Variants in RELN observed in about 807,000 individuals in gnomAD.
The protein encoded by RELN is reelin.
Under a neutral mutation model 427.6 loss-of-function variants are expected in RELN, and 108 were observed. The ratio of observed to expected loss-of-function variants is 0.25; its 90% confidence interval spans 0.22 to 0.30. The LOEUF (loss-of-function observed/expected upper bound fraction) is 0.30, where lower values mean the gene tolerates loss of function less well. RELN is among the 10% of genes least tolerant of loss of function. RELN has a pLI of 1.00. For missense variants in RELN, 3,715 were observed against 4,302.8 expected (o/e 0.86, Z 3.82); for synonymous variants, 1,524 against 1,513.4 (o/e 1.01, Z -0.16).
chr7:103,487,822 C>T (rs1243387815), intron 60 of RELN, among the ~76,000 whole-genome samples: 1 of 152,124 alleles, frequency 6.6e-6, no homozygotes, highest in East Asian at 1.9e-4. Context: ...GATTCCAGCA[C>T]CTAAAACAAT....
At chr7:103,561,506 G>A (rs774934772) in intron 36 of RELN, 26 bp downstream of exon 36, 2 of 1,559,716 alleles carry the variant, frequency 1.3e-6, no homozygotes, top group Non-Finnish European at 1.8e-6. Flanking sequence ...GTAATGTTGG[G>A]AAGGAGAATC....
chr7:103,945,197 A>G (rs1355388287), intron 1 of RELN, among the ~76,000 whole-genome samples: 1 of 152,312 alleles, frequency 6.6e-6, no homozygotes, highest in Non-Finnish European at 1.5e-5. Flanking sequence ...ACAAGGGGAA[A>G]GAACAGCAGA....
Position 103,557,180 on chromosome 7 carries a change from G to A in RELN, c.5615-21C>T, listed in dbSNP as rs376365542. The A allele has an allele frequency of 4.4e-6, 7 of 1,575,668 alleles. No homozygotes were observed. The African/African-American group carries it at 9.4e-5, about 21-fold the overall frequency. ...GGTACCTAGGAAGAAGATAACACAGGTATAAAACATACTGTGATAAAAATG... is the reference window on the plus strand; with the variant it reads ...GGTACCTAGGAAGAAGATAACACAGATATAAAACATACTGTGATAAAAATG... On this transcript the variant is annotated intron_variant, in intron 37 of 64. Coordinates refer to ENST00000428762, the MANE Select transcript of RELN (RefSeq NM_005045.4).
intron 29 of RELN, 141 bp from the exon 30 acceptor site, chr7:103,574,440 C>T: frequency 1.3e-6 from 1 of 741,096 alleles, no homozygotes; most frequent in Non-Finnish European, 2.4e-6. Context: ...TATCTCACAA[C>T]TGTCGGTCTG....
chr7:103,895,871 CAACTT>C (rs1794948433), intron 2 of RELN, among the ~76,000 whole-genome samples: 2 of 151,980 alleles, frequency 1.3e-5, no homozygotes, highest in South Asian at 2.1e-4. Flanking sequence ...ATAAACTACT[CAACTT>C]AAGGCAACAT....
intron 63 of RELN, among the ~76,000 whole-genome samples, chr7:103,479,612 G>A (rs1218940487): frequency 6.6e-6 from 1 of 152,108 alleles, no homozygotes; most frequent in Non-Finnish European, 1.5e-5. Context: ...AAATGCTAAA[G>A]GGTGGTTTTC....
intron 7 of RELN, among the ~76,000 whole-genome samples, chr7:103,724,605 C>T (rs750992087): frequency 3.3e-5 from 5 of 152,106 alleles, no homozygotes; most frequent in South Asian, 2.1e-4. Context: ...CCTCTGCTAG[C>T]GAACAGCAAG....
chr7:103,789,678 A>C (rs945912407), intron 3 of RELN, among the ~76,000 whole-genome samples: 1 of 152,214 alleles, frequency 6.6e-6, no homozygotes, highest in African/African-American at 2.4e-5. Flanking sequence ...AAAAGTCAGG[A>C]AACAACAGAT....
At chr7:103,832,859 C>G (rs1793307677) in intron 3 of RELN, among the ~76,000 whole-genome samples, 4 of 152,134 alleles carry the variant, frequency 2.6e-5, no homozygotes, top group Admixed American at 2.6e-4. Context: ...AAGCTCAAAG[C>G]TAAATCTGTG....
intron 24 of RELN, among the ~76,000 whole-genome samples, chr7:103,602,135 A>G (rs1006098661): frequency 6.6e-6 from 1 of 152,226 alleles, no homozygotes; most frequent in African/African-American, 2.4e-5. Flanking sequence ...AAACACATAC[A>G]GAAGTGCTTC....
chr7:103,808,721 A>G (rs1353719252), intron 3 of RELN, among the ~76,000 whole-genome samples: 1 of 152,134 alleles, frequency 6.6e-6, no homozygotes, highest in Non-Finnish European at 1.5e-5. Flanking sequence ...GATTTGGAAA[A>G]TATAGCTGAG....
intron 44 of RELN, among the ~76,000 whole-genome samples, 185 bp downstream of exon 44, chr7:103,540,012 G>A (rs1830142380): frequency 6.6e-6 from 1 of 152,216 alleles, no homozygotes. Context: ...TTAGGCAACT[G>A]AAGGAATAGA....
At chr7:103,881,702 G>A (rs1794610749) in intron 2 of RELN, among the ~76,000 whole-genome samples, 3 of 152,070 alleles carry the variant, frequency 2.0e-5, no homozygotes, top group African/African-American at 4.8e-5. Context: ...AGATTTGCAA[G>A]TGAAAAAGTA....
chr7:103,747,961 G>C (rs567826400), intron 6 of RELN, among the ~76,000 whole-genome samples: 1 of 151,832 alleles, frequency 6.6e-6, no homozygotes, highest in Non-Finnish European at 1.5e-5. Context: ...TTGCACCACC[G>C]AACAGTCACA....
intron 11 of RELN, among the ~76,000 whole-genome samples, chr7:103,680,509 CTT>C (rs75029362): frequency 2.8e-5 from 4 of 144,738 alleles, no homozygotes; most frequent in Non-Finnish European, 4.6e-5. Flanking sequence ...TCGAATTGGT[CTT>C]TTTTTTTTTT....
rs116394228 is a variant in RELN at position 103,575,282 on chromosome 7, C to T, written c.4303+266G>A. Among the ~76,000 whole-genome samples the T allele has an allele frequency of 4.5e-3, 685 of 152,296 alleles. 7 individuals are homozygous for T. Among genetic ancestry groups the T allele is most frequent in the African/African-American group, 0.015 (637 of 41,550 alleles). ...CAATGTCTGGCATGAAGTAGGACCTCAAGCAGTATTAATTATTATTGCTAT... is the reference window on the plus strand; with the variant it reads ...CAATGTCTGGCATGAAGTAGGACCTTAAGCAGTATTAATTATTATTGCTAT... On this transcript the variant is annotated intron_variant, in intron 29 of 64. Transcript: ENST00000428762.
At chr7:103,793,308 T>C (rs1483209982) in intron 3 of RELN, among the ~76,000 whole-genome samples, 3 of 152,162 alleles carry the variant, frequency 2.0e-5, no homozygotes, top group Admixed American at 6.5e-5. Flanking sequence ...CTCAGGCAAA[T>C]CTACAACTCT....
chr7:103,530,297 G>T (rs1829911731), intron 46 of RELN, among the ~76,000 whole-genome samples: 1 of 152,162 alleles, frequency 6.6e-6, no homozygotes, highest in Admixed American at 6.6e-5. Flanking sequence ...TTCAAACTCT[G>T]GAGTCATCTC....
chr7:103,776,606 G>A lies in RELN; in HGVS notation c.495C>T (p.Gly165=), dbSNP rs768834240. Residue 165 remains glycine, a synonymous_variant, in exon 4 of 65, where the codon GGC becomes GGT. Transcript: ENST00000428762. ...CTAAAGCATCTTTGAAAATAACCTG[G>A]CCCCGGTGTGTTGCTGTAGCCCTGG... The part of the protein sequence containing the change: ...VNFMATATHR[G]QVIFKDALAQ... 6.2e-7 allele frequency: 1 copy of A among 1,614,028 alleles called. No homozygotes were observed. The highest frequency in any genetic ancestry group is 8.5e-7 in the Non-Finnish European group (1 of 1,179,938).
Sources: allele counts gnomAD v4.1 joint callset (sites outside exome capture counted in the v4.1 genomes callset), GRCh38; gene constraint gnomAD v4.1.1; transcripts MANE v1.5; gene names NCBI Gene and HGNC (gene_info 2026-07-23, HGNC 2026-07-21).